The following DNM3 variants were observed in gnomAD, a reference collection of about 807,000 sequenced individuals.
The protein encoded by DNM3 is dynamin 3.
A neutral mutation model predicts 101.6 loss-of-function variants in DNM3; 47 were observed. The ratio of observed to expected loss-of-function variants is 0.46; its 90% confidence interval spans 0.37 to 0.59. The LOEUF is 0.59. DNM3 is among the 20% of genes least tolerant of loss of function. The pLI, the probability that DNM3 is intolerant of heterozygous loss-of-function variation, is 0.00. For synonymous variants in DNM3, 385 were observed against 387.9 expected (o/e 0.99, Z 0.09); for missense variants, 849 against 1,085.7 (o/e 0.78, Z 3.06).
intron 16 of DNM3, among the ~76,000 whole-genome samples, chr1:172,312,876 T>C (rs2065141551): frequency 6.6e-6 from 1 of 152,194 alleles, no homozygotes; most frequent in Admixed American, 6.5e-5. Flanking sequence ...ATTTTCTAAT[T>C]ACTTTTATTC....
intron 17 of DNM3, among the ~76,000 whole-genome samples, chr1:172,361,115 A>G (rs767883434): frequency 2.1e-4 from 32 of 151,974 alleles, no homozygotes; most frequent in South Asian, 6.2e-4. Context: ...CTGGCCCACT[A>G]TGGGATTTCC....
chr1:171,890,354 A>G (rs1014667487), intron 1 of DNM3, among the ~76,000 whole-genome samples: 3 of 152,194 alleles, frequency 2.0e-5, no homozygotes, highest in African/African-American at 7.2e-5. Context: ...CCAAGCAGAA[A>G]AACCAACTAG....
At chr1:171,866,463 C>T (rs2125065917) in intron 1 of DNM3, among the ~76,000 whole-genome samples, 1 of 152,062 alleles carries the variant, frequency 6.6e-6, no homozygotes, top group East Asian at 1.9e-4. Context: ...CTATTCCTCC[C>T]ATTTCAGTTG....
At chr1:171,939,975 C>T (rs1354545976) in intron 2 of DNM3, among the ~76,000 whole-genome samples, 2 of 152,112 alleles carry the variant, frequency 1.3e-5, no homozygotes, top group East Asian at 1.9e-4. Flanking sequence ...AGCCTGTCTT[C>T]CTCCCCATGA....
intron 17 of DNM3, among the ~76,000 whole-genome samples, chr1:172,331,309 G>A (rs2066173009): frequency 6.6e-6 from 1 of 152,054 alleles, no homozygotes; most frequent in Admixed American, 6.6e-5. Context: ...TTTTTCTGCT[G>A]TTTTAAAAAT....
At chr1:172,193,919 C>T (rs1483864775) in intron 14 of DNM3, among the ~76,000 whole-genome samples, 1 of 152,068 alleles carries the variant, frequency 6.6e-6, no homozygotes, top group Admixed American at 6.6e-5. Context: ...AATGTGTTTG[C>T]TCTTGCTTCT....
At chr1:172,381,411 T>C (rs986096465) in intron 18 of DNM3, among the ~76,000 whole-genome samples, 32 of 152,008 alleles carry the variant, frequency 2.1e-4, no homozygotes, top group Non-Finnish European at 4.4e-4. Flanking sequence ...AGAAGTTAGT[T>C]TTACATATCT....
chr1:172,152,036 C>A (rs1472524175), intron 14 of DNM3, among the ~76,000 whole-genome samples: 1 of 152,056 alleles, frequency 6.6e-6, no homozygotes, highest in Admixed American at 6.6e-5. Flanking sequence ...CACCACCATG[C>A]CTGGCTAATC....
At chr1:171,994,165 T>C (rs1298868050) in intron 4 of DNM3, among the ~76,000 whole-genome samples, 3 of 152,124 alleles carry the variant, frequency 2.0e-5, no homozygotes, top group Non-Finnish European at 4.4e-5. Flanking sequence ...TCTTTGCATA[T>C]CTTAAAATTT....
intron 17 of DNM3, among the ~76,000 whole-genome samples, chr1:172,354,508 G>A (rs1450390739): frequency 1.3e-5 from 2 of 152,138 alleles, no homozygotes; most frequent in East Asian, 3.9e-4. Context: ...TCTTCCTCCT[G>A]CTTCTATCAC....
chr1:172,246,614 T>A (rs2061964486), intron 14 of DNM3, among the ~76,000 whole-genome samples: 1 of 152,116 alleles, frequency 6.6e-6, no homozygotes, highest in African/African-American at 2.4e-5. Context: ...AAACGTTCTG[T>A]GTGGAAAATG....
At chr1:172,055,177 C>T in intron 10 of DNM3, among the ~76,000 whole-genome samples, 1 of 152,070 alleles carries the variant, frequency 6.6e-6, no homozygotes, top group East Asian at 1.9e-4. Flanking sequence ...CATCTTCTCC[C>T]CTTTCTCTCC....
intron 4 of DNM3, among the ~76,000 whole-genome samples, chr1:172,023,846 GTT>G (rs57539519): frequency 6.3e-4 from 88 of 138,902 alleles, no homozygotes; most frequent in Middle Eastern, 3.8e-3. Context: ...TAACAATGTG[GTT>G]TTTTTTTTTT....
At chr1:172,237,520 A>G (rs2901612) in intron 14 of DNM3, among the ~76,000 whole-genome samples, 46,719 of 151,966 alleles carry the variant, frequency 0.31, 7,572 homozygotes, top group Middle Eastern at 0.44. Context: ...CCTATTTTGA[A>G]TACTTCAACC....
intron 2 of DNM3, among the ~76,000 whole-genome samples, chr1:171,964,290 A>G (rs529357092): frequency 6.6e-5 from 10 of 152,204 alleles, no homozygotes; most frequent in Non-Finnish European, 8.8e-5. Flanking sequence ...ATTCTCTCTG[A>G]AGCCTGCTAC....
chr1:172,033,962 AT>A (rs1316628222), intron 6 of DNM3, among the ~76,000 whole-genome samples: 1 of 152,092 alleles, frequency 6.6e-6, no homozygotes, highest in African/African-American at 2.4e-5. Flanking sequence ...CTGAGTTTTG[AT>A]TATATTGACT....
At chr1:172,399,524 C>T (rs767882599) in intron 20 of DNM3, among the ~76,000 whole-genome samples, 11 of 152,142 alleles carry the variant, frequency 7.2e-5, no homozygotes, top group Admixed American at 1.3e-4. Flanking sequence ...TCTGTCTCCA[C>T]GAGTGTCATT....
rs141556199 is a variant in DNM3, at chr1:172,360,813, G to A, written c.1894-18205G>A. Among the ~76,000 whole-genome samples, 1,420 of 152,010 alleles carry A rather than the reference G, an allele frequency of 9.3e-3. 17 individuals carry two copies. Among genetic ancestry groups the A allele is most frequent in the African/African-American group, 0.032 (1,318 of 41,492 alleles). On this transcript the variant is annotated intron_variant, in intron 17 of 20. Coordinates refer to ENST00000627582, the MANE Select transcript of DNM3 (RefSeq NM_015569.5). The stretch of plus-strand genomic sequence containing the variant: ...AATTCTGTTTACATTTTCTTCTTAG[G>A]ACAAGGAAGGCACTCTTTAAAACAG...
At chr1:172,073,893 C>T (rs1169685996) in intron 11 of DNM3, among the ~76,000 whole-genome samples, 1 of 152,016 alleles carries the variant, frequency 6.6e-6, no homozygotes, top group African/African-American at 2.4e-5. Flanking sequence ...TTCTTTTTTG[C>T]AGGTTCTGGT....
Sources: allele counts gnomAD v4.1 joint callset (sites outside exome capture counted in the v4.1 genomes callset), GRCh38; gene constraint gnomAD v4.1.1; transcripts MANE v1.5; gene names NCBI Gene and HGNC (gene_info 2026-07-23, HGNC 2026-07-21).